Variants in PLCXD3 observed in about 807,000 individuals in gnomAD.
PLCXD3 encodes phosphatidylinositol specific phospholipase C X domain containing 3.
A neutral mutation model predicts 25.5 loss-of-function variants in PLCXD3; 19 were observed. The ratio of observed to expected loss-of-function variants is 0.75; its 90% CI spans 0.52 to 1.09. The LOEUF (loss-of-function observed/expected upper bound fraction) is 1.09. Ranked by LOEUF, PLCXD3 falls within the 50% of genes least tolerant of loss-of-function variation. The probability of loss-of-function intolerance (pLI) is 0.00; values close to 1 mark genes in which losing one functional copy is unlikely to be tolerated. For missense variants in PLCXD3, 411 were observed against 388.1 expected (o/e 1.06, Z -0.50); for synonymous variants, 174 against 137.6 (o/e 1.26, Z -1.85).
At chr5:41,502,305 T>C (rs913832710) in intron 1 of PLCXD3, among the ~76,000 whole-genome samples, 2 of 152,044 alleles carry the variant, frequency 1.3e-5, no homozygotes, top group African/African-American at 2.4e-5. Context: ...AGTTTTTAAA[T>C]ATAAAATCAG....
chr5:41,342,753 G>A (rs888143154), intron 2 of PLCXD3, among the ~76,000 whole-genome samples: 23 of 152,084 alleles, frequency 1.5e-4, no homozygotes, highest in African/African-American at 5.6e-4. Flanking sequence ...TAAAATATTA[G>A]TAGAAAAGGA....
chr5:41,407,352 C>G (rs1746382029), intron 1 of PLCXD3, among the ~76,000 whole-genome samples: 1 of 152,052 alleles, frequency 6.6e-6, no homozygotes, highest in South Asian at 2.1e-4. Flanking sequence ...GAAGATAGTT[C>G]AAATTGTGAA....
chr5:41,507,939 C>T (rs1310824692), intron 1 of PLCXD3, among the ~76,000 whole-genome samples: 1 of 152,034 alleles, frequency 6.6e-6, no homozygotes, highest in Admixed American at 6.6e-5. Context: ...ATCTTTTTTT[C>T]CTCCAAAAAT....
At chr5:41,371,980 C>T (rs1476228255) in intron 2 of PLCXD3, among the ~76,000 whole-genome samples, 1 of 152,132 alleles carries the variant, frequency 6.6e-6, no homozygotes. Flanking sequence ...TCTCCCTTTT[C>T]CCTCAGTTGC....
chr5:41,311,998 T>C lies in PLCXD3; in HGVS notation c.*1619A>G, dbSNP rs560543208. Reference sequence around the variant, plus strand: ...ATTTCTAAACATGAAAATAAAATAATTAATAATTGTAAGAATTTCATCAAA... The same window carrying C: ...ATTTCTAAACATGAAAATAAAATAACTAATAATTGTAAGAATTTCATCAAA... On this transcript the variant is annotated 3_prime_UTR_variant, in exon 3 of 3. Coordinates refer to ENST00000377801, the MANE Select transcript of PLCXD3 (RefSeq NM_001005473.3). 6.6e-6 allele frequency: 1 copy of C among 152,536 alleles called. No homozygotes were observed. 9.4% of individuals were successfully genotyped at this position (152,536 alleles called of 1,614,324 possible).
At chr5:41,410,141 CTTTT>C (rs5867553) in intron 1 of PLCXD3, among the ~76,000 whole-genome samples, 5 of 121,392 alleles carry the variant, frequency 4.1e-5, no homozygotes, top group Admixed American at 8.4e-5. Context: ...TTTTATTTAT[CTTTT>C]TTTTTTTTTT....
chr5:41,349,241 G>GGA (rs1454006421), intron 2 of PLCXD3, among the ~76,000 whole-genome samples: 1 of 152,132 alleles, frequency 6.6e-6, no homozygotes, highest in Non-Finnish European at 1.5e-5. Context: ...TTTCTTAAAA[G>GGA]GATGGCTGCA....
intron 2 of PLCXD3, among the ~76,000 whole-genome samples, chr5:41,341,244 A>G: frequency 6.6e-6 from 1 of 152,190 alleles, no homozygotes; most frequent in East Asian, 1.9e-4. Flanking sequence ...AGCACCATCA[A>G]TATCGCATGT....
At position 41,346,815 on chromosome 5, in the gene PLCXD3, C is replaced by G. The variant is rs141448613; in HGVS notation, c.813-33045G>C. Among the ~76,000 whole-genome samples, 1,259 of 152,276 alleles carry G rather than the reference C, an allele frequency of 8.3e-3. 10 individuals are homozygous for G. Among genetic ancestry groups the G allele is most frequent in the Non-Finnish European group, 0.014 (958 of 68,032 alleles). ...TGCATTTAAGCTTCCTTCCTGCCCT[C>G]TTGTGGCTCATTTATTTTTATCACG... On this transcript the variant is annotated intron_variant, in intron 2 of 2. Transcript: ENST00000377801.
At chr5:41,332,938 C>T (rs1052005134) in intron 2 of PLCXD3, among the ~76,000 whole-genome samples, 7 of 151,970 alleles carry the variant, frequency 4.6e-5, no homozygotes, top group African/African-American at 1.5e-4. Context: ...ACTCTGGGGA[C>T]TGTTGTGGGG....
intron 1 of PLCXD3, among the ~76,000 whole-genome samples, chr5:41,449,930 A>G (rs1168433903): frequency 6.6e-6 from 1 of 152,094 alleles, no homozygotes; most frequent in Non-Finnish European, 1.5e-5. Flanking sequence ...TACCTCCCCT[A>G]ACAGGTAGAT....
chr5:41,336,402 T>A (rs1326296009), intron 2 of PLCXD3, among the ~76,000 whole-genome samples: 2 of 152,110 alleles, frequency 1.3e-5, no homozygotes. Flanking sequence ...TCAATGCAGG[T>A]TAATTGTTAC....
At chr5:41,328,832 G>A (rs1479205004) in intron 2 of PLCXD3, among the ~76,000 whole-genome samples, 1 of 152,180 alleles carries the variant, frequency 6.6e-6, no homozygotes, top group Non-Finnish European at 1.5e-5. Context: ...GAAATGCTGA[G>A]GAGTTCTTTT....
intron 1 of PLCXD3, among the ~76,000 whole-genome samples, chr5:41,463,704 A>C (rs1747946142): frequency 6.6e-6 from 1 of 151,966 alleles, no homozygotes; most frequent in Non-Finnish European, 1.5e-5. Context: ...AAATTACCAT[A>C]ATATAAGGGC....
intron 1 of PLCXD3, among the ~76,000 whole-genome samples, chr5:41,506,070 T>C (rs1043849039): frequency 4.6e-5 from 7 of 152,232 alleles, no homozygotes; most frequent in African/African-American, 1.7e-4. Flanking sequence ...TAGATTGTAA[T>C]TAAATAGATC....
chr5:41,393,763 C>CA lies in PLCXD3; in HGVS notation c.104-11230dup, dbSNP rs538600371. On this transcript the variant is annotated intron_variant, in intron 1 of 2. Transcript: ENST00000377801. ...TGAAACCCCGTCTCTACTAAAAATACAAAAAAAGAAAAAAAAATTAGCCGG... is the reference window on the plus strand; with the variant it reads ...TGAAACCCCGTCTCTACTAAAAATACAAAAAAAAGAAAAAAAAATTAGCCGG... 2.9e-3 allele frequency among the ~76,000 whole-genome samples: 431 copies of CA among 151,126 alleles called. 1 individual carries two copies. Among genetic ancestry groups the CA allele is most frequent in the African/African-American group, 8.5e-3 (349 of 41,196 alleles).
At chr5:41,462,217 T>G (rs894332596) in intron 1 of PLCXD3, among the ~76,000 whole-genome samples, 1 of 152,072 alleles carries the variant, frequency 6.6e-6, no homozygotes, top group Non-Finnish European at 1.5e-5. Context: ...CAGGGTCATT[T>G]TATCACAAGC....
chr5:41,359,933 C>T (rs1744726703), intron 2 of PLCXD3, among the ~76,000 whole-genome samples: 1 of 152,100 alleles, frequency 6.6e-6, no homozygotes, highest in African/African-American at 2.4e-5. Flanking sequence ...ATATGTTTTC[C>T]AAACTTTTAG....
chr5:41,506,090 A>G (rs1165815420), intron 1 of PLCXD3, among the ~76,000 whole-genome samples: 1 of 152,178 alleles, frequency 6.6e-6, no homozygotes, highest in African/African-American at 2.4e-5. Flanking sequence ...CTGATGTGTG[A>G]TGTGCAGAGT....
Sources: gnomAD v4.1 joint callset for allele counts (sites outside exome capture counted in the v4.1 genomes callset) on GRCh38, gnomAD v4.1.1 for gene constraint, MANE v1.5 for transcripts, NCBI Gene and HGNC (gene_info 2026-07-23, HGNC 2026-07-21) for gene names.